UNC5D: variants seen among roughly 807,000 people sequenced by gnomAD.
UNC5D encodes unc-5 netrin receptor D.
In UNC5D, 39 loss-of-function variants were observed where a neutral mutation model predicts 105.4. That is an observed-to-expected ratio of 0.37 (90% CI 0.29 to 0.48). The LOEUF (loss-of-function observed/expected upper bound fraction) is 0.48. Ranked by LOEUF, UNC5D falls within the 20% of genes least tolerant of loss-of-function variation. The probability of loss-of-function intolerance (pLI) is 0.98; values close to 1 mark genes in which losing one functional copy is unlikely to be tolerated. For missense variants in UNC5D, 991 were observed against 1,202.4 expected, an observed-to-expected ratio of 0.82 and a Z score of 2.60; for synonymous variants, 452 against 450.4, an observed-to-expected ratio of 1.00 and a Z score of -0.04.
chr8:35,789,891 A>G (rs1802950583), intron 16 of UNC5D, among the ~76,000 whole-genome samples: 1 of 135,548 alleles, frequency 7.4e-6, no homozygotes, highest in Admixed American at 7.1e-5. Context: ...ATAGTCAAGA[A>G]GAAAACACAC....
At chr8:35,413,292 T>TGTTG (rs56157732) in intron 1 of UNC5D, among the ~76,000 whole-genome samples, 61 of 128,040 alleles carry the variant, frequency 4.8e-4, no homozygotes, top group African/African-American at 1.7e-3. Context: ...TGTGTGTGTG[T>TGTTG]TGTGTGTGTG....
intron 1 of UNC5D, among the ~76,000 whole-genome samples, chr8:35,515,860 A>G (rs922024493): frequency 1.3e-5 from 2 of 152,144 alleles, no homozygotes; most frequent in South Asian, 2.1e-4. Flanking sequence ...AGACTTTACC[A>G]TGCCATAATA....
intron 1 of UNC5D, among the ~76,000 whole-genome samples, chr8:35,387,963 A>G (rs1334739479): frequency 4.6e-5 from 7 of 152,208 alleles, no homozygotes; most frequent in African/African-American, 1.4e-4. Context: ...GAAAAATAAT[A>G]CCAGGTTTCC....
At chr8:35,484,904 C>T in intron 1 of UNC5D, among the ~76,000 whole-genome samples, 1 of 152,176 alleles carries the variant, frequency 6.6e-6, no homozygotes, top group East Asian at 1.9e-4. Context: ...ATTGATGTAA[C>T]AAGCAGAGCC....
intron 2 of UNC5D, among the ~76,000 whole-genome samples, chr8:35,567,061 A>G (rs1817393583): frequency 6.6e-6 from 1 of 151,350 alleles, no homozygotes; most frequent in East Asian, 1.9e-4. Context: ...TTTTAGAAGG[A>G]GGATGTAAAG....
At chr8:35,745,038 G>A (rs982591003) in intron 11 of UNC5D, among the ~76,000 whole-genome samples, 4 of 151,074 alleles carry the variant, frequency 2.6e-5, no homozygotes, top group African/African-American at 9.7e-5. Flanking sequence ...TGGGCGACAA[G>A]AGCAAAACTC....
chr8:35,527,887 C>A (rs1476480838), intron 1 of UNC5D, among the ~76,000 whole-genome samples: 3 of 151,974 alleles, frequency 2.0e-5, no homozygotes, highest in African/African-American at 4.8e-5. Flanking sequence ...ACTCTCATAA[C>A]CTAATTAATT....
intron 1 of UNC5D, among the ~76,000 whole-genome samples, chr8:35,370,630 A>C (rs982748577): frequency 2.0e-5 from 3 of 152,186 alleles, no homozygotes; most frequent in Non-Finnish European, 4.4e-5. Context: ...TATAGAAAAA[A>C]AAGGAACCAA....
intron 7 of UNC5D, among the ~76,000 whole-genome samples, chr8:35,694,966 T>A (rs1277254017): frequency 3.3e-5 from 5 of 152,222 alleles, no homozygotes; most frequent in African/African-American, 4.8e-5. Context: ...AGTGAGATAC[T>A]TTCTATGTTT....
intron 1 of UNC5D, among the ~76,000 whole-genome samples, chr8:35,502,123 TC>T (rs1812011963): frequency 6.6e-6 from 1 of 152,212 alleles, no homozygotes; most frequent in Admixed American, 6.5e-5. Flanking sequence ...TGTGTTGGTC[TC>T]CCATAGCCAA....
chr8:35,419,109 A>C (rs1805719562), intron 1 of UNC5D, among the ~76,000 whole-genome samples: 1 of 152,200 alleles, frequency 6.6e-6, no homozygotes, highest in Non-Finnish European at 1.5e-5. Flanking sequence ...TATTACAACA[A>C]ACTGGCTCAT....
At chr8:35,595,434 CT>C in intron 3 of UNC5D, 119 bp from the exon 4 acceptor site, 1 of 756,426 alleles carries the variant, frequency 1.3e-6, no homozygotes, top group Non-Finnish European at 2.2e-6. Flanking sequence ...GAACAAGTGA[CT>C]TATTTTTGTG....
intron 1 of UNC5D, among the ~76,000 whole-genome samples, chr8:35,314,454 T>C (rs978691923): frequency 6.6e-6 from 1 of 152,132 alleles, no homozygotes; most frequent in African/African-American, 2.4e-5. Flanking sequence ...ATCCATATCA[T>C]GTAAGAGACA....
intron 3 of UNC5D, among the ~76,000 whole-genome samples, chr8:35,577,469 C>T (rs745435004): frequency 6.6e-6 from 1 of 152,102 alleles, no homozygotes; most frequent in Non-Finnish European, 1.5e-5. Flanking sequence ...GAGGGGGCTC[C>T]CACTCACCAA....
rs773941306 is a variant in UNC5D at position 35,750,667 on chromosome 8, G to C, written c.2021G>C (p.Gly674Ala). Residue 674 changes from glycine (G) to alanine (A), a missense_variant, in exon 13 of 17, where the codon GGG (glycine) becomes GCG (alanine). Gly to Ala is a moderately conservative substitution (Grantham distance 60). Transcript: ENST00000404895. The part of the protein sequence containing the change: ...FACHVLLDSF[G>A]TYALTGEPIT... The stretch of plus-strand genomic sequence containing the variant: ...TGTCATGTGCTCCTGGACAGCTTTG[G>C]GACCTATGCGCTCACTGGAGAGCCA... 1.9e-6 allele frequency: 3 copies of C among 1,614,096 alleles called. No individual in the cohort carries two copies. Among genetic ancestry groups the C allele is most frequent in the Admixed American group, 1.7e-5 (1 of 60,012 alleles).
intron 8 of UNC5D, among the ~76,000 whole-genome samples, chr8:35,721,894 A>C (rs767284984): frequency 6.6e-6 from 1 of 152,220 alleles, no homozygotes; most frequent in Non-Finnish European, 1.5e-5. Flanking sequence ...ATGACATCCT[A>C]AACTAAGGAG....
chr8:35,307,266 C>T (rs1270484910), intron 1 of UNC5D, among the ~76,000 whole-genome samples: 2 of 152,162 alleles, frequency 1.3e-5, no homozygotes, highest in South Asian at 2.1e-4. Context: ...ACTTAGAATT[C>T]AAGAACAGAA....
intron 1 of UNC5D, among the ~76,000 whole-genome samples, chr8:35,502,717 C>A (rs530010496): frequency 1.1e-4 from 16 of 148,390 alleles, no homozygotes; most frequent in Admixed American, 6.9e-4. Flanking sequence ...CACCACCATG[C>A]CCGGCTAATT....
intron 3 of UNC5D, among the ~76,000 whole-genome samples, chr8:35,593,951 G>A (rs150786264): frequency 2.6e-5 from 4 of 152,290 alleles, no homozygotes; most frequent in African/African-American, 7.2e-5. Context: ...TGTGGGAAGC[G>A]TGAGATTTTT....
Sources: allele counts gnomAD v4.1 joint callset (sites outside exome capture counted in the v4.1 genomes callset), GRCh38; gene constraint gnomAD v4.1.1; transcripts MANE v1.5; gene names NCBI Gene and HGNC (gene_info 2026-07-23, HGNC 2026-07-21).